Variants in PLCG2 observed in about 807,000 individuals in gnomAD.
PLCG2 encodes phospholipase C gamma 2.
In PLCG2, 69 loss-of-function variants were observed where a neutral mutation model predicts 175.6. The ratio of observed to expected loss-of-function variants is 0.39; its 90% CI spans 0.32 to 0.48. The LOEUF (loss-of-function observed/expected upper bound fraction) is 0.48, where lower values mean the gene tolerates loss of function less well. Ranked by LOEUF, PLCG2 falls within the 20% of genes least tolerant of loss-of-function variation. PLCG2 has a pLI of 0.91. For synonymous variants in PLCG2, 827 were observed against 624.0 expected (o/e 1.33, Z -4.85); for missense variants, 1,798 against 1,650.9 (o/e 1.09, Z -1.54).
upstream of PLCG2, among the ~76,000 whole-genome samples, chr16:81,775,079 A>G (rs533068139): frequency 6.6e-6 from 1 of 152,290 alleles, no homozygotes; most frequent in East Asian, 1.9e-4. Context: ...TTCTTGAGAT[A>G]TAATTCACAT....
chr16:81,934,520 A>G lies in PLCG2; in HGVS notation c.2831A>G (p.Lys944Arg), dbSNP rs777208551. 14 of 1,599,418 alleles carry G rather than the reference A, an allele frequency of 8.8e-6. No individual in the cohort carries two copies. Among genetic ancestry groups the G allele is most frequent in the African/African-American group, 1.3e-5 (1 of 74,736 alleles). ...VVYCKPTSKT[K>R]DNLENPDFRE... ...TACTGCAAACCAACCAGCAAAACCA[A>G]GGACAACTTAGGTAACATCTTTCCC... The change falls in exon 26 of 33, where the codon AAG becomes AGG. Residue 944 changes from lysine (K) to arginine (R), a missense_variant. Coordinates refer to ENST00000564138, the MANE Select transcript of PLCG2 (RefSeq NM_002661.5).
chr16:81,820,687 C>G (rs996713641), intron 2 of PLCG2, among the ~76,000 whole-genome samples: 3 of 152,084 alleles, frequency 2.0e-5, no homozygotes, highest in African/African-American at 7.2e-5. Flanking sequence ...GTGGCGCAAT[C>G]TTGGCCCACT....
At chr16:81,929,240 C>T (rs560004077) in intron 24 of PLCG2, among the ~76,000 whole-genome samples, 4 of 152,250 alleles carry the variant, frequency 2.6e-5, no homozygotes, top group South Asian at 4.1e-4. Context: ...TGGTGCAGCT[C>T]CCATGTGAAG....
At chr16:81,926,471 CGTGTTGTTA>C (rs1567535786) in intron 22 of PLCG2, among the ~76,000 whole-genome samples, 2 of 152,122 alleles carry the variant, frequency 1.3e-5, no homozygotes, top group African/African-American at 4.8e-5. Context: ...GATTATGTCC[CGTGTTGTTA>C]GTGTTGTTAT....
intron 16 of PLCG2, 94 bp downstream of exon 16, chr16:81,907,868 G>C: frequency 1.2e-6 from 1 of 841,998 alleles, no homozygotes; most frequent in Non-Finnish European, 2.0e-6. Flanking sequence ...GGCTTCTCTG[G>C]CCGGCTGGCA....
chr16:81,752,289 C>T (rs369922932), intron 1 of PLCG2, among the ~76,000 whole-genome samples: 62 of 152,136 alleles, frequency 4.1e-4, no homozygotes, highest in African/African-American at 1.5e-3. Flanking sequence ...TCCAGCTTCC[C>T]CAGGTGGAAG....
In PLCG2 at chr16:81,858,237, A is replaced by G. The variant is rs1234534897; in HGVS notation, c.338-26A>G. The G allele has an allele frequency of 2.6e-6, 4 of 1,513,106 alleles. No individual in the cohort carries two copies. The South Asian group carries it at 3.4e-5, about 13-fold the overall frequency. 93.7% of individuals were successfully genotyped at this position (1,513,106 alleles called of 1,614,324 possible). ...ACGTCTTCCCAGGAATTAACACAGC[A>G]TTTCTGTTCCCTTTCTCCACTCCAG... is the stretch of plus-strand genomic sequence containing the variant. On this transcript the variant is annotated intron_variant, in intron 3 of 32. Coordinates refer to ENST00000564138, the MANE Select transcript of PLCG2 (RefSeq NM_002661.5).
At chr16:81,810,555 G>A (rs984495839) in intron 2 of PLCG2, among the ~76,000 whole-genome samples, 2 of 152,034 alleles carry the variant, frequency 1.3e-5, no homozygotes, top group African/African-American at 4.8e-5. Context: ...CAAACAAGAT[G>A]ACACTCTGCC....
intron 30 of PLCG2, 76 bp from the exon 31 acceptor site, chr16:81,946,099 G>A (rs1643401770): frequency 2.4e-5 from 26 of 1,101,160 alleles, no homozygotes; most frequent in Non-Finnish European, 3.1e-5. Flanking sequence ...CTATGATCCC[G>A]AGGTAGCCTC....
chr16:81,762,750 A>G (rs1910067690), intron 2 of PLCG2, among the ~76,000 whole-genome samples: 1 of 152,192 alleles, frequency 6.6e-6, no homozygotes, highest in African/African-American at 2.4e-5. Flanking sequence ...CAAGTCCCCA[A>G]GGCTGGCTGA....
rs565516760 is a variant in PLCG2 at position 81,897,298 on chromosome 16, G to A, written c.1193+1371G>A. Among the ~76,000 whole-genome samples, 184 of 152,330 alleles carry A rather than the reference G, an allele frequency of 1.2e-3. 1 individual carries two copies. Among genetic ancestry groups the A allele is most frequent in the Middle Eastern group, 3.4e-3 (1 of 294 alleles). Reference sequence around the variant, plus strand: ...GGGGTAGAATAGCAGTTACGAGTATGGGTTCTGAGTCCTTCTCGCTGAGTT... The same window carrying A: ...GGGGTAGAATAGCAGTTACGAGTATAGGTTCTGAGTCCTTCTCGCTGAGTT... On this transcript the variant is annotated intron_variant, in intron 13 of 32. Transcript: ENST00000564138.
At chr16:81,864,912 A>G (rs765593970) in intron 5 of PLCG2, among the ~76,000 whole-genome samples, 38 of 151,938 alleles carry the variant, frequency 2.5e-4, no homozygotes, top group Non-Finnish European at 5.4e-4. Flanking sequence ...CATTCAGGGA[A>G]TAGTTGCCGT....
intron 14 of PLCG2, among the ~76,000 whole-genome samples, chr16:81,902,473 C>T (rs1339756735): frequency 6.6e-6 from 1 of 152,110 alleles, no homozygotes; most frequent in African/African-American, 2.4e-5. Context: ...TCTCTGGGAC[C>T]TCTTTTATTT....
intron 2 of PLCG2, among the ~76,000 whole-genome samples, chr16:81,756,914 G>A (rs1206347998): frequency 2.0e-5 from 3 of 152,108 alleles, no homozygotes; most frequent in Non-Finnish European, 4.4e-5. Context: ...CACACACACC[G>A]CGCCTCTACG....
In PLCG2 at chr16:81,745,049, C is replaced by T. The variant is rs140360968; in HGVS notation, c.-145+5664C>T. Among the ~76,000 whole-genome samples, 76 of 152,266 alleles carry T rather than the reference C, an allele frequency of 5.0e-4. 1 individual carries two copies. The highest frequency in any genetic ancestry group is 1.7e-3 in the African/African-American group (72 of 41,556). ...AGTGGAACCTTTTTCCTGTTGATTC[C>T]ATAAACATTCAGCAAAGAATATAAG... On this transcript the variant is annotated intron_variant, in intron 1 of 5. Transcript: ENST00000565054.
intron 9 of PLCG2, 79 bp from the exon 10 acceptor site, chr16:81,889,093 C>A (rs371373862): frequency 7.1e-6 from 6 of 847,872 alleles, no homozygotes; most frequent in Non-Finnish European, 1.2e-5. Flanking sequence ...TCTTCGATTG[C>A]GACTGGATGG....
chr16:81,749,211 T>G (rs1366866461), intron 1 of PLCG2, among the ~76,000 whole-genome samples: 1 of 152,188 alleles, frequency 6.6e-6, no homozygotes, highest in Non-Finnish European at 1.5e-5. Context: ...CCAAAGATCC[T>G]GTTCTCTGAA....
intron 2 of PLCG2, among the ~76,000 whole-genome samples, chr16:81,828,231 T>A (rs2143370169): frequency 7.3e-6 from 1 of 136,568 alleles, no homozygotes; most frequent in East Asian, 2.2e-4. Context: ...TGTTGAGAAA[T>A]GTCATTTTTT....
intron 2 of PLCG2, among the ~76,000 whole-genome samples, chr16:81,772,379 A>G (rs980935961): frequency 2.6e-5 from 4 of 152,054 alleles, no homozygotes; most frequent in African/African-American, 9.7e-5. Flanking sequence ...TTGCATTCAG[A>G]CTTCTGGCCT....
Sources: allele counts gnomAD v4.1 joint callset (sites outside exome capture counted in the v4.1 genomes callset), GRCh38; gene constraint gnomAD v4.1.1; transcripts MANE v1.5; gene names NCBI Gene and HGNC (gene_info 2026-07-23, HGNC 2026-07-21).